The following ABCB4 variants were observed in gnomAD, a reference collection of about 807,000 sequenced individuals.
ABCB4 encodes the protein phosphatidylcholine translocator ABCB4.
A neutral mutation model predicts 145.7 loss-of-function variants in ABCB4; 76 were observed. The ratio of observed to expected loss-of-function variants is 0.52; its 90% CI spans 0.43 to 0.63. The LOEUF (loss-of-function observed/expected upper bound fraction) is 0.63, where lower values mean the gene tolerates loss of function less well. ABCB4 is among the 30% of genes least tolerant of loss of function. The pLI is 0.00. For missense variants in ABCB4, 1,234 were observed against 1,553.1 expected (o/e 0.79, Z 3.45); for synonymous variants, 517 against 566.8 (o/e 0.91, Z 1.25).
intron 14 of ABCB4, among the ~76,000 whole-genome samples, chr7:87,433,666 ATTG>A (rs199783668): frequency 1.1e-4 from 14 of 133,112 alleles, no homozygotes; most frequent in African/African-American, 2.8e-4. Context: ...GACACAAAAA[ATTG>A]TTGTTGTTTT....
At chr7:87,423,483 C>T (rs1355431643) in intron 17 of ABCB4, 10 of 227,040 alleles carry the variant, frequency 4.4e-5, no homozygotes, top group Non-Finnish European at 7.0e-5. Context: ...ACTGAGGTAC[C>T]GAGAGCTATT....
intron 3 of ABCB4, among the ~76,000 whole-genome samples, chr7:87,466,127 T>A (rs911130839): frequency 3.9e-5 from 6 of 152,068 alleles, no homozygotes; most frequent in Admixed American, 3.9e-4. Context: ...TTCGAACCCA[T>A]GGCAAAGAAG....
At chr7:87,377,336 A>T in the ABCB4 span, 2 of 1,540,666 alleles carry the variant, frequency 1.3e-6, no homozygotes, top group Non-Finnish European at 1.8e-6. Flanking sequence ...TGGAAAAATT[A>T]AATTTATTTT....
intron 20 of ABCB4, among the ~76,000 whole-genome samples, chr7:87,417,893 GAGACCATCTGTTGT>G (rs1809099496): frequency 6.6e-6 from 1 of 152,230 alleles, no homozygotes; most frequent in Non-Finnish European, 1.5e-5. Flanking sequence ...AAAAGGGAAA[GAGACCATCTGTTGT>G]TACAAAGGGT....
chr7:87,377,388 T>C, the ABCB4 span: 90 of 1,611,886 alleles, frequency 5.6e-5, no homozygotes, highest in South Asian at 3.5e-4. Context: ...AACAGTACGC[T>C]GGGGTGACAA....
chr7:87,382,413 G>A, the ABCB4 span: 5 of 1,609,192 alleles, frequency 3.1e-6, no homozygotes, highest in Non-Finnish European at 4.2e-6. Context: ...TTCTTGTTAG[G>A]CATCTGATCT....
At chr7:87,416,687 T>C (rs985318968) in intron 21 of ABCB4, among the ~76,000 whole-genome samples, 4 of 152,196 alleles carry the variant, frequency 2.6e-5, no homozygotes, top group Non-Finnish European at 5.9e-5. Flanking sequence ...ATCTCTAACT[T>C]CTGTTTGAAT....
the ABCB4 span, among the ~76,000 whole-genome samples, chr7:87,379,307 A>G: frequency 2.0e-5 from 3 of 152,060 alleles, no homozygotes; most frequent in Non-Finnish European, 2.9e-5. Flanking sequence ...TTATTGACCT[A>G]TTGTTATATA....
intron 10 of ABCB4, among the ~76,000 whole-genome samples, chr7:87,444,600 C>A (rs1223364469): frequency 6.6e-6 from 1 of 152,080 alleles, no homozygotes; most frequent in East Asian, 1.9e-4. Flanking sequence ...AGAGAAACGT[C>A]TTTGCTCTGC....
chr7:87,394,699 G>T, the ABCB4 span, among the ~76,000 whole-genome samples: 1 of 151,990 alleles, frequency 6.6e-6, no homozygotes, highest in Non-Finnish European at 1.5e-5. Context: ...CAAAAAAAAT[G>T]CCTTTCTTGC....
chr7:87,444,929 G>T lies in ABCB4; in HGVS notation c.1052C>A (p.Ala351Asp). ...ATTGGCAAAAGCATCAATACATGGG[G>T]CAGCCTGGCCAACACTGAAAGCTCC... ...LIGAFSVGQA[A>D]PCIDAFANAR... Residue 351 changes from alanine (A) to aspartate (D), a missense_variant, in exon 10 of 28, where the codon GCC becomes GAC. Physicochemically the swap from Ala to Asp is moderately radical, Grantham distance 126 (BLOSUM62 -2). Coordinates refer to ENST00000649586, the MANE Select transcript of ABCB4 (RefSeq NM_000443.4). 1 of 1,607,378 alleles carries T rather than the reference G, an allele frequency of 6.2e-7. No homozygotes were observed.
At position 87,452,928 on chromosome 7, in the gene ABCB4, T is replaced by C; in HGVS notation, c.536+16A>G. The C allele has an allele frequency of 6.2e-7, 1 of 1,610,368 alleles. No individual in the cohort carries two copies. The highest frequency in any genetic ancestry group is 8.5e-7 in the Non-Finnish European group (1 of 1,176,562). On this transcript the variant is annotated intron_variant, in intron 6 of 27. Coordinates refer to ENST00000649586, the MANE Select transcript of ABCB4 (RefSeq NM_000443.4). ...TTAATTTCTATATGAAAGTGTGACA[T>C]TAACAATGTACCTACTCTGTTAGCC...
chr7:87,386,956 G>A, the ABCB4 span, among the ~76,000 whole-genome samples: 1 of 152,126 alleles, frequency 6.6e-6, no homozygotes, highest in African/African-American at 2.4e-5. Context: ...GGAGATAAGG[G>A]TGTCTGTCTG....
chr7:87,438,308 C>A (rs1022512081), intron 14 of ABCB4, among the ~76,000 whole-genome samples: 9 of 152,114 alleles, frequency 5.9e-5, no homozygotes, highest in African/African-American at 2.2e-4. Flanking sequence ...TTCAGAATAA[C>A]CAACCATATA....
At chr7:87,474,790 C>A (rs1813675310) in intron 2 of ABCB4, among the ~76,000 whole-genome samples, 1 of 152,090 alleles carries the variant, frequency 6.6e-6, no homozygotes, top group East Asian at 1.9e-4. Context: ...GCAAAGGAAG[C>A]GCTGCTTCCC....
chr7:87,375,501 GCAT>G, the ABCB4 span: 1 of 585,352 alleles, frequency 1.7e-6, no homozygotes, highest in Non-Finnish European at 3.0e-6. Context: ...AAATCTATTG[GCAT>G]CATAAGTGGT....
rs371475023 is a variant in ABCB4 at position 87,451,745 on chromosome 7, A to G, written c.586T>C (p.Phe196Leu). ...GCAAAAAACGTGGCTACTGCTTGAAAGAACATTCCAACCTTGTCACCAATT... is the reference window on the plus strand; with the variant it reads ...GCAAAAAACGTGGCTACTGCTTGAAGGAACATTCCAACCTTGTCACCAATT... ...EGIGDKVGMFFQAVATFFAGF... is the reference protein window; with the variant it reads ...EGIGDKVGMFLQAVATFFAGF... Residue 196 changes from phenylalanine (F) to leucine (L), a missense_variant, in exon 7 of 28, where the codon TTT (phenylalanine) becomes CTT (leucine). Transcript: ENST00000649586. 1.2e-6 allele frequency: 2 copies of G among 1,614,088 alleles called. No individual in the cohort carries two copies. Among genetic ancestry groups the G allele is most frequent in the East Asian group, 2.2e-5 (1 of 44,888 alleles).
chr7:87,413,363 A>G (rs1808754869), intron 22 of ABCB4, among the ~76,000 whole-genome samples: 3 of 152,228 alleles, frequency 2.0e-5, no homozygotes, highest in Admixed American at 6.5e-5. Flanking sequence ...TGATAACCAA[A>G]GACTGTGCAA....
the ABCB4 span, among the ~76,000 whole-genome samples, chr7:87,376,220 C>A: frequency 3.3e-5 from 5 of 152,050 alleles, no homozygotes; most frequent in African/African-American, 1.2e-4. Flanking sequence ...TGTTGCTCAA[C>A]CTTTTCATTG....
Sources: allele counts gnomAD v4.1 joint callset (sites outside exome capture counted in the v4.1 genomes callset), GRCh38; gene constraint gnomAD v4.1.1; transcripts MANE v1.5; gene names NCBI Gene and HGNC (gene_info 2026-07-23, HGNC 2026-07-21).